Variants in FBN2 observed in about 807,000 individuals in gnomAD.
FBN2 encodes the protein fibrillin 2.
FBN2 carries 105 observed loss-of-function variants against 355.6 expected under a neutral mutation model. The ratio of observed to expected loss-of-function variants is 0.30; its 90% confidence interval spans 0.25 to 0.35. The LOEUF is 0.35. Ranked by LOEUF, FBN2 falls within the 10% of genes least tolerant of loss-of-function variation. The pLI is 1.00. For synonymous variants in FBN2, 1,350 were observed against 1,301.2 expected (o/e 1.04, Z -0.81); for missense variants, 3,280 against 3,758.7 (o/e 0.87, Z 3.33).
chr5:128,262,880 C>A (rs1306575582), intron 63 of FBN2, among the ~76,000 whole-genome samples: 14 of 152,206 alleles, frequency 9.2e-5, no homozygotes, highest in East Asian at 3.9e-4. Flanking sequence ...TGAGACAGTG[C>A]GCCTAGTTGG....
At chr5:128,305,364 A>G (rs1749839024) in intron 44 of FBN2, 147 bp downstream of exon 44, 1 of 950,188 alleles carries the variant, frequency 1.1e-6, no homozygotes, top group Non-Finnish European at 1.7e-6. Context: ...TAACAAAATC[A>G]TCTAAAAGAT....
chr5:128,264,028 CGGGA>C (rs1440212348), intron 62 of FBN2, among the ~76,000 whole-genome samples: 1 of 151,970 alleles, frequency 6.6e-6, no homozygotes, highest in African/African-American at 2.4e-5. Context: ...CGGGGCCTGT[CGGGA>C]GGAAGAAATG....
intron 8 of FBN2, among the ~76,000 whole-genome samples, chr5:128,405,026 G>A (rs1001702287): frequency 2.6e-5 from 4 of 152,036 alleles, no homozygotes; most frequent in Non-Finnish European, 1.5e-5. Context: ...ACAAACATTA[G>A]CCAGCGTAGT....
intron 5 of FBN2, among the ~76,000 whole-genome samples, chr5:128,511,656 A>G (rs1412024593): frequency 6.6e-6 from 1 of 152,192 alleles, no homozygotes; most frequent in Non-Finnish European, 1.5e-5. Flanking sequence ...AACACAATGA[A>G]AAGAGCTATT....
intron 5 of FBN2, among the ~76,000 whole-genome samples, chr5:128,479,434 C>T (rs1561007): frequency 0.37 from 56,446 of 151,824 alleles, 12,592 homozygotes; most frequent in African/African-American, 0.63. Flanking sequence ...AATATTATAT[C>T]ACTACTCTAA....
chr5:128,489,921 G>GATGTACTACGGATGT (rs1755454574), intron 5 of FBN2, among the ~76,000 whole-genome samples: 1 of 152,142 alleles, frequency 6.6e-6, no homozygotes, highest in African/African-American at 2.4e-5. Flanking sequence ...ATGTACTATA[G>GATGTACTACGGATGT]ACTACAGTAC....
intron 55 of FBN2, among the ~76,000 whole-genome samples, chr5:128,281,012 G>C (rs533005817): frequency 6.6e-6 from 1 of 152,124 alleles, no homozygotes; most frequent in Admixed American, 6.6e-5. Context: ...ACATCTTTTT[G>C]ATAAATGGCT....
Position 128,537,558 on chromosome 5 carries a change from G to C in FBN2, c.46C>G (p.Leu16Val). 2 of 1,603,148 alleles carry C rather than the reference G, an allele frequency of 1.2e-6. No individual in the cohort carries two copies. The highest frequency in any genetic ancestry group is 1.7e-6 in the Non-Finnish European group (2 of 1,176,470). ...TGCGCCCAGAGCACCACACAGCCCA[G>C]CCACAGGAAGTAGAGCTGGAGACAC... ...RLCLQLYFLW[L>V]GCVVLWAQGT... Residue 16 changes from leucine (L) to valine (V), a missense_variant, in exon 1 of 65, where the codon CTG (leucine) becomes GTG (valine). Coordinates refer to ENST00000262464, the MANE Select transcript of FBN2 (RefSeq NM_001999.4).
rs1002915878 is a variant in FBN2, at chr5:128,368,837, A to C, written c.2248+345T>G. ...AGGTGTGTGCCACCACACCCAGCTA[A>C]TTAAGATTTTTTTTTTTTTTTTACC... On this transcript the variant is annotated intron_variant, in intron 16 of 64. Coordinates refer to ENST00000262464, the MANE Select transcript of FBN2 (RefSeq NM_001999.4). Among the ~76,000 whole-genome samples the C allele has an allele frequency of 8.0e-4, 117 of 146,892 alleles. 1 individual carries two copies. Among genetic ancestry groups the C allele is most frequent in the African/African-American group, 2.9e-3 (109 of 37,978 alleles).
intron 36 of FBN2, among the ~76,000 whole-genome samples, chr5:128,315,556 C>T (rs938018585): frequency 2.6e-5 from 4 of 152,170 alleles, no homozygotes; most frequent in African/African-American, 9.7e-5. Flanking sequence ...AAAGTCTCCA[C>T]AAATAGAAAA....
chr5:128,333,563 A>C (rs1750749538), intron 31 of FBN2, among the ~76,000 whole-genome samples: 1 of 152,228 alleles, frequency 6.6e-6, no homozygotes, highest in East Asian at 1.9e-4. Context: ...AATTTAAAAA[A>C]AACTATTCAT....
intron 34 of FBN2, chr5:128,328,089 G>A (rs1320453029): frequency 1.2e-5 from 2 of 167,004 alleles, no homozygotes; most frequent in Non-Finnish European, 2.6e-5. Context: ...TATATAATGT[G>A]AATTGAGTTT....
chr5:128,524,627 G>T (rs895873483), intron 4 of FBN2, among the ~76,000 whole-genome samples: 2 of 152,028 alleles, frequency 1.3e-5, no homozygotes, highest in Non-Finnish European at 2.9e-5. Context: ...TTCATAAATT[G>T]AAAAATGTTC....
chr5:128,511,386 T>C (rs1298489257), intron 5 of FBN2, among the ~76,000 whole-genome samples: 2 of 152,218 alleles, frequency 1.3e-5, no homozygotes, highest in Non-Finnish European at 2.9e-5. Context: ...TCCAGCCTCA[T>C]CATCTACTCT....
At chr5:128,518,694 G>A (rs1756351692) in intron 5 of FBN2, among the ~76,000 whole-genome samples, 1 of 152,110 alleles carries the variant, frequency 6.6e-6, no homozygotes, top group African/African-American at 2.4e-5. Context: ...GAAGAAACAT[G>A]TTTCCTTAGT....
Position 128,376,666 on chromosome 5 carries a change from G to C in FBN2, c.1972+65C>G, listed in dbSNP as rs1201610120. On this transcript the variant is annotated intron_variant, in intron 14 of 64. Transcript: ENST00000262464. ...GGGGAAGCTGAAGTAATTCTTCCAT[G>C]GTTCATTCAAATAAAAAAGGTGGTT... is the stretch of plus-strand genomic sequence containing the variant. The C allele has an allele frequency of 8.3e-6, 13 of 1,574,176 alleles. No homozygotes were observed. In the Admixed American group the frequency reaches 2.2e-4, roughly 26 times the overall value.
rs1756221233 is a variant in FBN2 at position 128,514,340 on chromosome 5, G to A, written c.628+4933C>T. On this transcript the variant is annotated intron_variant, in intron 5 of 64. Transcript: ENST00000262464. ...TCATTTGACTGAAAGAAAGACTTTT[G>A]TAATTTGTCCTGCATTAGTGAGCAT... Among the ~76,000 whole-genome samples, 3 of 152,028 alleles carry A rather than the reference G, an allele frequency of 2.0e-5. No individual in the cohort carries two copies. In the East Asian group the frequency reaches 5.8e-4, roughly 29 times the overall value.
At chr5:128,492,085 T>G (rs1428634826) in intron 5 of FBN2, among the ~76,000 whole-genome samples, 2 of 152,192 alleles carry the variant, frequency 1.3e-5, no homozygotes, top group Non-Finnish European at 2.9e-5. Context: ...TTGTCAAAGT[T>G]AGAAAGGCAT....
At chr5:128,462,245 G>A (rs548349351) in intron 6 of FBN2, among the ~76,000 whole-genome samples, 2 of 151,928 alleles carry the variant, frequency 1.3e-5, no homozygotes, top group African/African-American at 4.8e-5. Context: ...CTCAATCATC[G>A]TATAAAAAAG....
Sources: gnomAD v4.1 joint callset for allele counts (sites outside exome capture counted in the v4.1 genomes callset) on GRCh38, gnomAD v4.1.1 for gene constraint, MANE v1.5 for transcripts, NCBI Gene and HGNC (gene_info 2026-07-23, HGNC 2026-07-21) for gene names.